The following INPP4B variants were observed in gnomAD, a reference collection of about 807,000 sequenced individuals.
INPP4B encodes inositol polyphosphate 4-phosphatase type II.
A neutral mutation model predicts 122.5 loss-of-function variants in INPP4B; 55 were observed. The observed-to-expected ratio is 0.45, with a 90% CI of 0.36 to 0.56. The LOEUF is 0.56. Ranked by LOEUF, INPP4B falls within the 20% of genes least tolerant of loss-of-function variation. The pLI, the probability that INPP4B is intolerant of heterozygous loss-of-function variation, is 0.00. For missense variants in INPP4B, 1,000 were observed against 1,097.7 expected (o/e 0.91, Z 1.26); for synonymous variants, 403 against 388.7 (o/e 1.04, Z -0.43).
At chr4:142,275,262 A>G (rs1389682486) in intron 9 of INPP4B, among the ~76,000 whole-genome samples, 1 of 151,920 alleles carries the variant, frequency 6.6e-6, no homozygotes. Context: ...AAGAAAAAAG[A>G]AAAACATCTC....
At chr4:142,626,161 C>T (rs1746339193) in intron 2 of INPP4B, among the ~76,000 whole-genome samples, 1 of 152,096 alleles carries the variant, frequency 6.6e-6, no homozygotes, top group Admixed American at 6.6e-5. Context: ...AGAGCTTCTG[C>T]ACAACAAAAG....
At chr4:142,719,312 A>G (rs1764200990) in intron 2 of INPP4B, among the ~76,000 whole-genome samples, 1 of 152,068 alleles carries the variant, frequency 6.6e-6, no homozygotes, top group African/African-American at 2.4e-5. Flanking sequence ...ACATTGGCCA[A>G]TACTACAATT....
intron 2 of INPP4B, among the ~76,000 whole-genome samples, chr4:142,534,052 G>A (rs184057801): frequency 2.3e-4 from 35 of 152,240 alleles, no homozygotes; most frequent in Admixed American, 1.8e-3. Flanking sequence ...CATTGATCCC[G>A]GGTATCTAAT....
chr4:142,180,030 A>T (rs1050804595), intron 15 of INPP4B, among the ~76,000 whole-genome samples: 3 of 152,150 alleles, frequency 2.0e-5, no homozygotes, highest in African/African-American at 7.2e-5. Context: ...CAAAGTACAG[A>T]GTAAGAAAGG....
chr4:142,623,474 C>T (rs1745447881), intron 2 of INPP4B, among the ~76,000 whole-genome samples: 1 of 151,832 alleles, frequency 6.6e-6, no homozygotes, highest in Non-Finnish European at 1.5e-5. Flanking sequence ...AGTCACTCTC[C>T]TAAAACAGGG....
At chr4:142,810,024 G>A (rs555116127) in intron 1 of INPP4B, among the ~76,000 whole-genome samples, 1 of 152,018 alleles carries the variant, frequency 6.6e-6, no homozygotes, top group East Asian at 1.9e-4. Flanking sequence ...ACAAAAATTA[G>A]CTGGTCATGG....
intron 1 of INPP4B, among the ~76,000 whole-genome samples, chr4:142,750,915 G>C (rs1001102592): frequency 8.6e-5 from 13 of 152,024 alleles, no homozygotes; most frequent in African/African-American, 3.1e-4. Context: ...CCTAGAAACA[G>C]GTAGACTAAA....
chr4:142,575,257 C>T (rs1299869161), intron 2 of INPP4B, among the ~76,000 whole-genome samples: 1 of 151,610 alleles, frequency 6.6e-6, no homozygotes, highest in Non-Finnish European at 1.5e-5. Context: ...AAATGAAGAA[C>T]AAAAGTTTCC....
chr4:142,629,040 G>A (rs1045396102), intron 2 of INPP4B, among the ~76,000 whole-genome samples: 6 of 151,964 alleles, frequency 3.9e-5, no homozygotes, highest in African/African-American at 1.5e-4. Flanking sequence ...TAATAATCCA[G>A]AAACAGAATA....
intron 9 of INPP4B, chr4:142,287,735 A>G (rs1754443309): frequency 6.6e-6 from 1 of 152,206 alleles, no homozygotes; most frequent in Non-Finnish European, 1.5e-5. Flanking sequence ...CAGTTGATTT[A>G]ATAAGAATAG....
chr4:142,452,011 A>C (rs79565309), intron 3 of INPP4B, among the ~76,000 whole-genome samples: 1 of 152,058 alleles, frequency 6.6e-6, no homozygotes, highest in Non-Finnish European at 1.5e-5. Context: ...CCATCAACTC[A>C]TCATTTACAT....
In INPP4B at chr4:142,305,483, C is replaced by T; in HGVS notation, c.478G>A (p.Glu160Lys). 6.2e-7 allele frequency: 1 copy of T among 1,612,928 alleles called. No individual in the cohort carries two copies. Among genetic ancestry groups the T allele is most frequent in the Admixed American group, 1.7e-5 (1 of 59,828 alleles). Residue 160 changes from glutamate to lysine, a missense_variant, in exon 9 of 26, where the codon GAG becomes AAG. Glu to Lys is a moderately conservative substitution (Grantham distance 56). Coordinates refer to ENST00000262992, the MANE Select transcript of INPP4B (RefSeq NM_001101669.3). ...FKVGELLKSKEQLLVLSLRTS... is the reference protein window; with the variant it reads ...FKVGELLKSKKQLLVLSLRTS... ...CTCAGGCTCAGGACCAGCAATTGCT[C>T]CTTTGACTTCAGCAGCTCTCCCACT...
chr4:142,482,432 A>G (rs1380422648), intron 2 of INPP4B, among the ~76,000 whole-genome samples: 1 of 152,176 alleles, frequency 6.6e-6, no homozygotes, highest in Admixed American at 6.6e-5. Flanking sequence ...GCTGTTATGC[A>G]GAACTTCATT....
intron 7 of INPP4B, among the ~76,000 whole-genome samples, chr4:142,377,735 G>C (rs1792502439): frequency 6.6e-6 from 1 of 151,988 alleles, no homozygotes; most frequent in African/African-American, 2.4e-5. Flanking sequence ...ATGAATGTTG[G>C]ACTATCAGAA....
At chr4:142,776,816 T>C (rs1263721921) in intron 1 of INPP4B, among the ~76,000 whole-genome samples, 2 of 152,126 alleles carry the variant, frequency 1.3e-5, no homozygotes, top group East Asian at 3.9e-4. Context: ...CAGTGTAGAG[T>C]ATAAAATTTA....
intron 7 of INPP4B, among the ~76,000 whole-genome samples, chr4:142,358,034 G>T (rs1784176408): frequency 6.6e-6 from 1 of 152,012 alleles, no homozygotes; most frequent in African/African-American, 2.4e-5. Flanking sequence ...TTAATAGTAG[G>T]TAGAGGGATA....
chr4:142,474,077 G>A (rs988464847), intron 2 of INPP4B: 14 of 152,118 alleles, frequency 9.2e-5, no homozygotes, highest in African/African-American at 3.1e-4. Context: ...GTAGCCAGGT[G>A]GGCAACACTT....
chr4:142,383,491 T>C (rs946995210), intron 7 of INPP4B, among the ~76,000 whole-genome samples: 1 of 152,110 alleles, frequency 6.6e-6, no homozygotes, highest in African/African-American at 2.4e-5. Flanking sequence ...CCTAACATCT[T>C]CTGAGCAGAC....
intron 2 of INPP4B, among the ~76,000 whole-genome samples, chr4:142,558,973 C>A (rs1226758923): frequency 6.6e-6 from 1 of 152,078 alleles, no homozygotes; most frequent in Non-Finnish European, 1.5e-5. Flanking sequence ...GAAGTAGACA[C>A]AGAGTCCCAC....
Sources: allele counts gnomAD v4.1 joint callset (sites outside exome capture counted in the v4.1 genomes callset), GRCh38; gene constraint gnomAD v4.1.1; transcripts MANE v1.5; gene names NCBI Gene and HGNC (gene_info 2026-07-23, HGNC 2026-07-21).